KTN1: variants seen among roughly 807,000 people sequenced by gnomAD.
KTN1 encodes the protein kinectin 1, also known as kinectin.
A neutral mutation model predicts 222.5 loss-of-function variants in KTN1; 130 were observed. That is an observed-to-expected ratio of 0.58 (90% confidence interval 0.51 to 0.68). The LOEUF is 0.68. Among genes scored for constraint, KTN1 ranks in the 30% least tolerant of loss-of-function variants. The pLI, the probability that KTN1 is intolerant of heterozygous loss-of-function variation, is 0.00. For synonymous variants in KTN1, 512 were observed against 496.3 expected (o/e 1.03, Z -0.42); for missense variants, 1,508 against 1,500.4 (o/e 1.01, Z -0.08).
rs770726955 is a variant in KTN1, at chr14:55,672,945, A to G, written c.3620A>G (p.Glu1207Gly). The G allele has an allele frequency of 1.2e-6, 2 of 1,613,248 alleles. No homozygotes were observed. Among genetic ancestry groups the G allele is most frequent in the East Asian group, 2.2e-5 (1 of 44,810 alleles). ...KDIENLRRER[E>G]HLEMELEKAE... ...CATTGCTAGCTGAGAAGAGAACGAG[A>G]ACATTTGGAAATGGAACTAGAAAAG... Residue 1207 changes from glutamate to glycine, a missense_variant, in exon 39 of 44, where the codon GAA (glutamate) becomes GGA (glycine). Transcript: ENST00000395314.
intron 18 of KTN1, among the ~76,000 whole-genome samples, chr14:55,642,932 CAG>C (rs2041948934): frequency 6.7e-6 from 1 of 149,404 alleles, no homozygotes. Flanking sequence ...CTTCTTGAGA[CAG>C]AGTCTTCCTC....
chr14:55,669,593 TCTAAATTATATGAC>T (rs2045258153), intron 34 of KTN1, among the ~76,000 whole-genome samples: 1 of 152,022 alleles, frequency 6.6e-6, no homozygotes, highest in South Asian at 2.1e-4. Flanking sequence ...ATAGGAGAGA[TCTAAATTATATGAC>T]CTAGAAGGAA....
intron 1 of KTN1, among the ~76,000 whole-genome samples, chr14:55,592,977 T>C (rs2034398579): frequency 1.3e-5 from 2 of 152,366 alleles, no homozygotes; most frequent in Non-Finnish European, 2.9e-5. Context: ...TTAATTGTTC[T>C]ATCATTTTTT....
intron 21 of KTN1, 131 bp downstream of exon 21, chr14:55,649,001 C>T (rs1166085584): frequency 3.1e-6 from 2 of 639,438 alleles, no homozygotes; most frequent in East Asian, 5.6e-5. Flanking sequence ...TCATAACTCA[C>T]CGTAACCTCG....
At chr14:55,591,581 CTTTTTTTT>C (rs71131297) in intron 1 of KTN1, among the ~76,000 whole-genome samples, 55 of 87,716 alleles carry the variant, frequency 6.3e-4, no homozygotes, top group East Asian at 1.6e-3. Context: ...TTCTCTCTTT[CTTTTTTTT>C]TTTTTTTTTT....
chr14:55,609,381 G>A (rs998999841), intron 1 of KTN1, among the ~76,000 whole-genome samples: 1 of 152,060 alleles, frequency 6.6e-6, no homozygotes, highest in Admixed American at 6.6e-5. Context: ...TCATCTCTTG[G>A]TGTCTAGTTA....
At chr14:55,674,161 T>TA (rs1566851791) in intron 40 of KTN1, 1 of 152,156 alleles carries the variant, frequency 6.6e-6, no homozygotes, top group African/African-American at 2.4e-5. Flanking sequence ...TATCCTATGT[T>TA]ATGGCAAACA....
chr14:55,613,718 C>T (rs1594844852), intron 2 of KTN1, among the ~76,000 whole-genome samples: 1 of 152,210 alleles, frequency 6.6e-6, no homozygotes, highest in East Asian at 1.9e-4. Context: ...ATCCGCCTGC[C>T]TTGGCCTCAC....
intron 1 of KTN1, among the ~76,000 whole-genome samples, chr14:55,596,960 T>C (rs1275872289): frequency 2.0e-5 from 3 of 152,156 alleles, no homozygotes; most frequent in African/African-American, 4.8e-5. Flanking sequence ...TAGAACGTTA[T>C]GGTGAAGTCC....
At chr14:55,580,611 C>T (rs373013675) in intron 1 of KTN1, among the ~76,000 whole-genome samples, 1 of 151,924 alleles carries the variant, frequency 6.6e-6, no homozygotes, top group African/African-American at 2.4e-5. Context: ...CTGGGCCCGA[C>T]CCCGGCTCTG....
At chr14:55,639,300 A>G in intron 13 of KTN1, 78 bp downstream of exon 13, 1 of 1,011,100 alleles carries the variant, frequency 9.9e-7, no homozygotes, top group Non-Finnish European at 1.5e-6. Context: ...ACTTATGATT[A>G]ACTTTATACC....
At chr14:55,596,780 G>A (rs1382381713) in intron 1 of KTN1, among the ~76,000 whole-genome samples, 1 of 151,398 alleles carries the variant, frequency 6.6e-6, no homozygotes, top group African/African-American at 2.4e-5. Context: ...ATTATTGCGA[G>A]TGATGTCAAA....
At chr14:55,608,531 T>G (rs2037075774) in intron 1 of KTN1, among the ~76,000 whole-genome samples, 1 of 152,200 alleles carries the variant, frequency 6.6e-6, no homozygotes, top group Admixed American at 6.5e-5. Context: ...GTTCATGGTT[T>G]TAATACCTAT....
At chr14:55,582,627 A>G (rs964657128) in intron 1 of KTN1, among the ~76,000 whole-genome samples, 6 of 152,096 alleles carry the variant, frequency 3.9e-5, no homozygotes, top group African/African-American at 1.5e-4. Context: ...CTTGAATGGA[A>G]CATGTGTTTT....
At chr14:55,644,225 T>G (rs1488011198) in intron 18 of KTN1, 8 of 502,318 alleles carry the variant, frequency 1.6e-5, no homozygotes, top group Non-Finnish European at 2.9e-5. Context: ...TCTTAATTTC[T>G]GTCATTTCCA....
At chr14:55,625,499 C>G (rs2039696293) in intron 5 of KTN1, among the ~76,000 whole-genome samples, 1 of 151,508 alleles carries the variant, frequency 6.6e-6, no homozygotes, top group Non-Finnish European at 1.5e-5. Context: ...AATAGTTTTT[C>G]TGTTTGTCAG....
At chr14:55,580,506 C>G (rs1012181588) in intron 1 of KTN1, among the ~76,000 whole-genome samples, 152 bp downstream of exon 1, 4 of 148,984 alleles carry the variant, frequency 2.7e-5, no homozygotes, top group African/African-American at 9.8e-5. Context: ...CTGGGTAGGC[C>G]TCGGGCATCC....
chr14:55,642,875 A>G (rs890114090), intron 18 of KTN1, among the ~76,000 whole-genome samples: 1 of 151,618 alleles, frequency 6.6e-6, no homozygotes, highest in Non-Finnish European at 1.5e-5. Context: ...TGAAGGGATG[A>G]TATTTAGTTT....
intron 1 of KTN1, among the ~76,000 whole-genome samples, chr14:55,584,488 T>C (rs999197058): frequency 1.3e-5 from 2 of 152,202 alleles, no homozygotes; most frequent in African/African-American, 4.8e-5. Flanking sequence ...ACAGAGCTGT[T>C]TTTTACACTG....
Sources: gnomAD v4.1 joint callset for allele counts (sites outside exome capture counted in the v4.1 genomes callset) on GRCh38, gnomAD v4.1.1 for gene constraint, MANE v1.5 for transcripts, NCBI Gene and HGNC (gene_info 2026-07-23, HGNC 2026-07-21) for gene names.